PPP6R2: variants seen among roughly 807,000 people sequenced by gnomAD.
The protein encoded by PPP6R2 is protein phosphatase 6 regulatory subunit 2.
PPP6R2 carries 62 observed loss-of-function variants against 100.2 expected under a neutral mutation model. The ratio of observed to expected loss-of-function variants is 0.62; its 90% CI spans 0.50 to 0.76. The LOEUF (loss-of-function observed/expected upper bound fraction) is 0.76, where lower values mean the gene tolerates loss of function less well. Among genes scored for constraint, PPP6R2 ranks in the 30% least tolerant of loss-of-function variants. The pLI, the probability that PPP6R2 is intolerant of heterozygous loss-of-function variation, is 0.00. For missense variants in PPP6R2, 1,142 were observed against 1,276.3 expected (o/e 0.89, Z 1.60); for synonymous variants, 525 against 514.7 (o/e 1.02, Z -0.27).
At chr22:50,388,130 C>T (rs910868893) in intron 2 of PPP6R2, among the ~76,000 whole-genome samples, 2 of 151,454 alleles carry the variant, frequency 1.3e-5, no homozygotes, top group African/African-American at 4.9e-5. Flanking sequence ...CAAGACCAGC[C>T]TGGGCAACAT....
intron 2 of PPP6R2, among the ~76,000 whole-genome samples, chr22:50,382,105 T>G (rs2053200629): frequency 6.6e-6 from 1 of 151,992 alleles, no homozygotes; most frequent in Non-Finnish European, 1.5e-5. Context: ...TTTTACCACT[T>G]GAGAATAGTG....
At chr22:50,346,191 C>T (rs1210458456) in intron 1 of PPP6R2, among the ~76,000 whole-genome samples, 1 of 23,020 alleles carries the variant, frequency 4.3e-5, no homozygotes, top group Non-Finnish European at 7.7e-5. Flanking sequence ...CAGTCAGTGC[C>T]CCCCCCAAGT....
chr22:50,393,684 G>C, intron 2 of PPP6R2: 1 of 976,232 alleles, frequency 1.0e-6, no homozygotes, highest in South Asian at 4.7e-5. Context: ...AGGTCTGATG[G>C]GAATGGTTAC....
intron 1 of PPP6R2, among the ~76,000 whole-genome samples, chr22:50,357,422 T>C (rs1250435995): frequency 4.0e-5 from 6 of 150,338 alleles, no homozygotes; most frequent in Admixed American, 4.0e-4. Context: ...CTTCTTTCTT[T>C]TCTTTTCTTT....
chr22:50,351,657 G>T (rs1325041411), intron 1 of PPP6R2, among the ~76,000 whole-genome samples: 1 of 151,988 alleles, frequency 6.6e-6, no homozygotes, highest in Non-Finnish European at 1.5e-5. Context: ...GTTTTGAAAT[G>T]GAGTCTCCCT....
At chr22:50,363,959 A>G (rs1369710533) in intron 1 of PPP6R2, among the ~76,000 whole-genome samples, 1 of 151,578 alleles carries the variant, frequency 6.6e-6, no homozygotes, top group Non-Finnish European at 1.5e-5. Flanking sequence ...CAGTGGCGCA[A>G]TCTCGGCCCA....
intron 22 of PPP6R2, chr22:50,443,515 G>C (rs1181802531): frequency 2.0e-5 from 5 of 246,128 alleles, no homozygotes; most frequent in Non-Finnish European, 1.6e-5. Flanking sequence ...TCCCCTGGGA[G>C]GTTTCCCCAG....
the PPP6R2 span, among the ~76,000 whole-genome samples, chr22:50,332,438 G>A: frequency 6.6e-6 from 1 of 151,502 alleles, no homozygotes; most frequent in African/African-American, 2.4e-5. Context: ...CACTGTGTTA[G>A]CCAGGATGGT....
Position 50,437,023 on chromosome 22 carries a change from C to T in PPP6R2, c.1638C>T (p.Asp546=), listed in dbSNP as rs1177067445. The change falls in exon 15 of 24, where the codon GAC becomes GAT. Residue 546 remains aspartate, a synonymous_variant. Coordinates refer to ENST00000612753, the MANE Select transcript of PPP6R2 (RefSeq NM_001242898.2). The part of the protein sequence containing the change: ...STHHLHSSSE[D]EDIEGAFPNE... ...ACCACCTTCACTCCTCAAGTGAGGA[C>T]GAGGACATTGAGGGTGCTTTCCCTA... is the stretch of plus-strand genomic sequence containing the variant. 2 of 1,563,100 alleles carry T rather than the reference C, an allele frequency of 1.3e-6. No homozygotes were observed. Among genetic ancestry groups the T allele is most frequent in the Non-Finnish European group, 1.7e-6 (2 of 1,153,876 alleles).
At chr22:50,384,917 G>T (rs537976071) in intron 2 of PPP6R2, among the ~76,000 whole-genome samples, 1 of 151,898 alleles carries the variant, frequency 6.6e-6, no homozygotes, top group Non-Finnish European at 1.5e-5. Context: ...ATCTTGTTTT[G>T]TTTTGTTTTC....
At chr22:50,339,897 T>G (rs1319431885), upstream of PPP6R2, among the ~76,000 whole-genome samples, 11 of 117,416 alleles carry the variant, frequency 9.4e-5, no homozygotes, top group African/African-American at 1.6e-4. Flanking sequence ...GTGGGGTGTG[T>G]GGTGTGTGTG....
rs2066470369 is a variant in PPP6R2 at position 50,443,945 on chromosome 22, G to C, written c.2659G>C (p.Val887Leu). 6.2e-7 allele frequency: 1 copy of C among 1,609,866 alleles called. No individual in the cohort carries two copies. The highest frequency in any genetic ancestry group is 2.2e-5 in the East Asian group (1 of 44,750). ...AGTGACTGCTGCCCCAGCCGTGGCTGTGCCCCCCGAGGCTACTGTGGCCAT... is the reference window on the plus strand; with the variant it reads ...AGTGACTGCTGCCCCAGCCGTGGCTCTGCCCCCCGAGGCTACTGTGGCCAT... The part of the protein sequence containing the change: ...KEVTAAPAVA[V>L]PPEATVAITT... Residue 887 changes from valine to leucine, a missense_variant, in exon 23 of 24, where the codon GTG (valine) becomes CTG (leucine). Physicochemically the swap from Val to Leu is conservative, Grantham distance 32. Around this residue, in one of 2 missense-constraint regions of PPP6R2, gnomAD observed 550 missense variants for 517.4 expected, o/e 1.06. Coordinates refer to ENST00000612753, the MANE Select transcript of PPP6R2 (RefSeq NM_001242898.2).
At chr22:50,405,876 A>G (rs142335834) in intron 3 of PPP6R2, among the ~76,000 whole-genome samples, 70 of 79,486 alleles carry the variant, frequency 8.8e-4, no homozygotes, top group East Asian at 2.0e-3. Context: ...GAGAGGTGAG[A>G]GGCCTGGAGA....
At chr22:50,356,994 A>G (rs1393929214) in intron 1 of PPP6R2, among the ~76,000 whole-genome samples, 4 of 151,804 alleles carry the variant, frequency 2.6e-5, no homozygotes, top group Non-Finnish European at 4.4e-5. Context: ...AACATTTTAC[A>G]CTCCTACTAG....
chr22:50,423,596 C>T lies in PPP6R2; in HGVS notation c.1107C>T (p.Asn369=). The stretch of plus-strand genomic sequence containing the variant: ...TCAACCAGGAGCTCTGCCGGCTCAA[C>T]ACGATGGACTTACTGCTGGTAAGTG... The part of the protein sequence containing the change: ...PSINQELCRL[N]TMDLLLDLFF... Residue 369 remains asparagine (N), a synonymous_variant, in exon 10 of 24, where the codon AAC becomes AAT. Coordinates refer to ENST00000612753, the MANE Select transcript of PPP6R2 (RefSeq NM_001242898.2). The surrounding 1 kb of genome is among the most constrained non-coding windows in gnomAD (Gnocchi z 4.8). 2.5e-6 allele frequency: 4 copies of T among 1,614,184 alleles called. No individual in the cohort carries two copies. The highest frequency in any genetic ancestry group is 2.2e-5 in the South Asian group (2 of 91,092).
At chr22:50,362,966 C>G (rs1490904688) in intron 1 of PPP6R2, among the ~76,000 whole-genome samples, 1 of 152,208 alleles carries the variant, frequency 6.6e-6, no homozygotes, top group East Asian at 1.9e-4. Flanking sequence ...GTGGCTGGCT[C>G]TCTGGCAGAG....
chr22:50,371,764 G>A (rs1406603220), intron 1 of PPP6R2, among the ~76,000 whole-genome samples: 1 of 152,104 alleles, frequency 6.6e-6, no homozygotes, highest in Non-Finnish European at 1.5e-5. Context: ...AGCCTCCCGA[G>A]TAGCTGGGAC....
chr22:50,422,181 G>A lies in PPP6R2; in HGVS notation c.846-73G>A, dbSNP rs1247421614. On this transcript the variant is annotated intron_variant, in intron 8 of 23. Transcript: ENST00000612753. ...AAAGGGCTCTTTCTGGAAGAAGCGG[G>A]TGCACTGAGTTGCTGGTGAGGTTGG... 3.2e-6 allele frequency: 5 copies of A among 1,555,830 alleles called. No individual in the cohort carries two copies. In the South Asian group the frequency reaches 3.6e-5, roughly 11 times the overall value.
intron 1 of PPP6R2, among the ~76,000 whole-genome samples, chr22:50,370,506 C>T (rs1015387178): frequency 2.0e-5 from 3 of 151,772 alleles, no homozygotes; most frequent in Non-Finnish European, 4.4e-5. Context: ...CCAGACTGGT[C>T]TCGAATGCCT....
Sources: allele counts gnomAD v4.1 joint callset (sites outside exome capture counted in the v4.1 genomes callset), GRCh38; gene constraint gnomAD v4.1.1; regional missense constraint gnomAD v4.1.1; non-coding constraint Gnocchi (gnomAD v3.1); transcripts MANE v1.5; gene names NCBI Gene and HGNC (gene_info 2026-07-23, HGNC 2026-07-21).